The following UNC5D variants were observed in gnomAD, a reference collection of about 807,000 sequenced individuals.
UNC5D encodes the protein unc-5 netrin receptor D, also known as netrin receptor UNC5D.
A neutral mutation model predicts 105.4 loss-of-function variants in UNC5D; 39 were observed. The observed-to-expected ratio is 0.37, with a 90% confidence interval of 0.29 to 0.48. UNC5D has a LOEUF of 0.48. Ranked by LOEUF, UNC5D falls within the 20% of genes least tolerant of loss-of-function variation. UNC5D has a pLI of 0.98. For missense variants in UNC5D, 991 were observed against 1,202.4 expected (o/e 0.82, Z 2.60); for synonymous variants, 452 against 450.4 (o/e 1.00, Z -0.04).
chr8:35,596,749 A>G (rs893000806), intron 4 of UNC5D, among the ~76,000 whole-genome samples: 1 of 152,148 alleles, frequency 6.6e-6, no homozygotes. Flanking sequence ...TAAGGGACAA[A>G]TGGTTATATT....
intron 8 of UNC5D, among the ~76,000 whole-genome samples, chr8:35,710,097 C>T (rs1327408391): frequency 6.6e-6 from 1 of 152,092 alleles, no homozygotes; most frequent in Non-Finnish European, 1.5e-5. Flanking sequence ...GAGTGTAAAC[C>T]TATAGGGAAC....
chr8:35,319,912 C>A (rs926208082), intron 1 of UNC5D, among the ~76,000 whole-genome samples: 1 of 152,046 alleles, frequency 6.6e-6, no homozygotes, highest in Non-Finnish European at 1.5e-5. Flanking sequence ...CCCCCTTGAG[C>A]CAAAGAATCA....
At position 35,328,817 on chromosome 8, in the gene UNC5D, G is replaced by A. The variant is rs138480497; in HGVS notation, c.103+92930G>A. ...CAGGAGTATCGTTCCACATATTAGC[G>A]TTGAGATGAACTGTTTCTTTCATGA... On this transcript the variant is annotated intron_variant, in intron 1 of 16. Transcript: ENST00000404895. 7.3e-3 allele frequency among the ~76,000 whole-genome samples: 1,110 copies of A among 152,232 alleles called. 11 individuals carry two copies. Among genetic ancestry groups the A allele is most frequent in the Non-Finnish European group, 9.8e-3 (668 of 68,020 alleles).
intron 1 of UNC5D, among the ~76,000 whole-genome samples, chr8:35,324,789 G>A (rs1305639926): frequency 6.6e-6 from 1 of 152,180 alleles, no homozygotes; most frequent in Non-Finnish European, 1.5e-5. Context: ...GAAAATGAAT[G>A]CTAATTAGTT....
chr8:35,639,859 C>G (rs1322809177), intron 4 of UNC5D, among the ~76,000 whole-genome samples: 1 of 151,854 alleles, frequency 6.6e-6, no homozygotes, highest in Non-Finnish European at 1.5e-5. Flanking sequence ...ATCCTTCCAC[C>G]TATAGGCATG....
At chr8:35,611,956 T>C (rs1820714256) in intron 4 of UNC5D, among the ~76,000 whole-genome samples, 1 of 152,242 alleles carries the variant, frequency 6.6e-6, no homozygotes, top group Non-Finnish European at 1.5e-5. Flanking sequence ...TGATGTTGGC[T>C]GTAAAATGGT....
At chr8:35,681,353 A>T (rs1297156679) in intron 4 of UNC5D, among the ~76,000 whole-genome samples, 3 of 152,166 alleles carry the variant, frequency 2.0e-5, no homozygotes, top group Non-Finnish European at 4.4e-5. Flanking sequence ...TTTCTATTTT[A>T]CCCATTCATT....
chr8:35,533,934 G>A (rs748599364), intron 1 of UNC5D, among the ~76,000 whole-genome samples: 77 of 152,126 alleles, frequency 5.1e-4, no homozygotes, highest in Non-Finnish European at 9.0e-4. Context: ...CCACTGGCCT[G>A]CACCCACTGT....
At chr8:35,789,000 T>A (rs966448388) in intron 16 of UNC5D, among the ~76,000 whole-genome samples, 1 of 150,990 alleles carries the variant, frequency 6.6e-6, no homozygotes, top group East Asian at 2.0e-4. Context: ...GTGTGTATGA[T>A]CTTGATAAAG....
At chr8:35,457,697 CTG>C (rs1458969595) in intron 1 of UNC5D, among the ~76,000 whole-genome samples, 1 of 152,102 alleles carries the variant, frequency 6.6e-6, no homozygotes, top group Non-Finnish European at 1.5e-5. Context: ...AGGGACATGA[CTG>C]AGGGAAGTTC....
intron 1 of UNC5D, among the ~76,000 whole-genome samples, chr8:35,278,047 T>C (rs570839960): frequency 1.3e-5 from 2 of 152,274 alleles, no homozygotes; most frequent in Non-Finnish European, 2.9e-5. Flanking sequence ...AGGGGTTAGT[T>C]AGCCTCCCCC....
Position 35,244,677 on chromosome 8 carries a change from T to C in UNC5D, c.103+8790T>C, listed in dbSNP as rs147862854. ...AAGTAGTTTATTAAAGTAAGTAAAA[T>C]AACAAATTACAGTAGTTTTTCTCAG... is the stretch of plus-strand genomic sequence containing the variant. On this transcript the variant is annotated intron_variant, in intron 1 of 16. Coordinates refer to ENST00000404895, the MANE Select transcript of UNC5D (RefSeq NM_080872.4). Among the ~76,000 whole-genome samples the C allele has an allele frequency of 3.4e-3, 514 of 152,218 alleles. 3 individuals carry two copies. Among genetic ancestry groups the C allele is most frequent in the African/African-American group, 0.012 (483 of 41,534 alleles).
intron 1 of UNC5D, among the ~76,000 whole-genome samples, chr8:35,398,132 A>T (rs1165036997): frequency 6.6e-6 from 1 of 152,184 alleles, no homozygotes; most frequent in African/African-American, 2.4e-5. Flanking sequence ...AAAGATAGAG[A>T]ATCACATAAT....
intron 4 of UNC5D, among the ~76,000 whole-genome samples, chr8:35,656,984 A>T (rs186773139): frequency 1.3e-5 from 2 of 148,804 alleles, no homozygotes; most frequent in Non-Finnish European, 3.0e-5. Context: ...TACCATAATA[A>T]ATTGACTGTT....
intron 4 of UNC5D, among the ~76,000 whole-genome samples, chr8:35,617,387 G>A (rs1196337951): frequency 6.6e-6 from 1 of 152,180 alleles, no homozygotes; most frequent in Non-Finnish European, 1.5e-5. Context: ...CCTGCAGAAT[G>A]AGCACCTGCC....
At chr8:35,760,540 G>A (rs915182437) in intron 14 of UNC5D, among the ~76,000 whole-genome samples, 4 of 152,034 alleles carry the variant, frequency 2.6e-5, no homozygotes, top group African/African-American at 7.2e-5. Context: ...TGAAGTCTAC[G>A]AAAATTCCCA....
At chr8:35,399,008 G>A (rs1804276824) in intron 1 of UNC5D, among the ~76,000 whole-genome samples, 2 of 151,790 alleles carry the variant, frequency 1.3e-5, no homozygotes, top group South Asian at 4.2e-4. Flanking sequence ...TACAGGGCAT[G>A]GTGGCATGCA....
At chr8:35,401,388 G>A (rs910595617) in intron 1 of UNC5D, among the ~76,000 whole-genome samples, 60 of 152,298 alleles carry the variant, frequency 3.9e-4, no homozygotes, top group African/African-American at 1.3e-3. Context: ...GGAAAGTGAG[G>A]CATGAGAATC....
chr8:35,735,448 A>G (rs541736940), intron 11 of UNC5D, among the ~76,000 whole-genome samples: 97 of 152,362 alleles, frequency 6.4e-4, no homozygotes, highest in African/African-American at 2.3e-3. Context: ...AAAAGAACAC[A>G]TATTTTTAAA....
Sources: gnomAD v4.1 joint callset for allele counts (sites outside exome capture counted in the v4.1 genomes callset) on GRCh38, gnomAD v4.1.1 for gene constraint, MANE v1.5 for transcripts, NCBI Gene and HGNC (gene_info 2026-07-23, HGNC 2026-07-21) for gene names.